Variants in HPRT1 observed in about 807,000 individuals in gnomAD.
HPRT1 encodes the protein hypoxanthine phosphoribosyltransferase 1, also known as hypoxanthine-guanine phosphoribosyltransferase.
A neutral mutation model predicts 19.0 loss-of-function variants in HPRT1; 4 were observed. The observed-to-expected ratio is 0.21, with a 90% CI of 0.10 to 0.48. The LOEUF (loss-of-function observed/expected upper bound fraction) is 0.48. Among genes scored for constraint, HPRT1 ranks in the 20% least tolerant of loss-of-function variants. The probability of loss-of-function intolerance (pLI) is 0.98; values close to 1 mark genes in which losing one functional copy is unlikely to be tolerated. For synonymous variants in HPRT1, 53 were observed against 54.9 expected (o/e 0.97, Z 0.15); for missense variants, 65 against 164.0 (o/e 0.40, Z 3.30).
At chrX:134,472,603 G>T (rs1174529758) in intron 1 of HPRT1, among the ~76,000 whole-genome samples, 1 of 111,517 alleles carries the variant, frequency 9.0e-6, no homozygotes, top group Non-Finnish European at 1.9e-5. Context: ...TCTCGCTCTT[G>T]TCCCCCAGGC....
intron 1 of HPRT1, among the ~76,000 whole-genome samples, chrX:134,464,907 T>G (rs2077593054): frequency 9.1e-6 from 1 of 109,782 alleles, no homozygotes; most frequent in African/African-American, 3.3e-5. Flanking sequence ...TAAGTCTTGT[T>G]TGGACCCACG....
At chrX:134,499,579 C>T (rs928064476) in intron 8 of HPRT1, among the ~76,000 whole-genome samples, 9 of 110,794 alleles carry the variant, frequency 8.1e-5, no homozygotes, top group East Asian at 2.8e-4. Flanking sequence ...CTGAGGCGGG[C>T]GGATCACAAG....
chrX:134,479,527 C>G (rs929431357), intron 3 of HPRT1, among the ~76,000 whole-genome samples: 3 of 112,136 alleles, frequency 2.7e-5, no homozygotes, highest in African/African-American at 9.7e-5. Flanking sequence ...GCCTCGGACT[C>G]CCAAAATGCT....
At chrX:134,483,708 CG>C (rs2061586291) in intron 3 of HPRT1, among the ~76,000 whole-genome samples, 1 of 111,565 alleles carries the variant, frequency 9.0e-6, no homozygotes, top group African/African-American at 3.3e-5. Flanking sequence ...GAGGGAGGTT[CG>C]CGCAGTTCCT....
chrX:134,472,171 G>C (rs1246866890), intron 1 of HPRT1, among the ~76,000 whole-genome samples: 1 of 109,934 alleles, frequency 9.1e-6, no homozygotes, highest in Non-Finnish European at 1.9e-5. Flanking sequence ...ACGGGGTCTT[G>C]CTACATTCCC....
intron 3 of HPRT1, among the ~76,000 whole-genome samples, chrX:134,476,353 C>T (rs2124292129): frequency 8.9e-6 from 1 of 112,210 alleles, no homozygotes; most frequent in Non-Finnish European, 1.9e-5. Flanking sequence ...CCCTTTATGC[C>T]CATACATCAT....
chrX:134,471,501 T>A (rs2077610381), intron 1 of HPRT1, among the ~76,000 whole-genome samples: 1 of 111,946 alleles, frequency 8.9e-6, no homozygotes, highest in Non-Finnish European at 1.9e-5. Context: ...ATGAGTTGAC[T>A]ATAATAATCT....
chrX:134,467,332 A>G (rs2077599628), intron 1 of HPRT1, among the ~76,000 whole-genome samples: 2 of 112,401 alleles, frequency 1.8e-5, no homozygotes, highest in Admixed American at 1.9e-4. Context: ...ATTTACAGGC[A>G]TGAGCCACCA....
intron 2 of HPRT1, among the ~76,000 whole-genome samples, chrX:134,474,359 A>C (rs1162590541): frequency 9.0e-6 from 1 of 110,520 alleles, no homozygotes; most frequent in East Asian, 2.8e-4. Flanking sequence ...TCCTCTAAGA[A>C]GTTGAATCAT....
At chrX:134,487,210 C>G (rs1314242916) in intron 4 of HPRT1, among the ~76,000 whole-genome samples, 1 of 111,620 alleles carries the variant, frequency 9.0e-6, no homozygotes, top group Non-Finnish European at 1.9e-5. Context: ...TATTGTGCTT[C>G]CATGTAGTTT....
chrX:134,460,534 GGGTGGGTCC>G (rs1311992375), intron 1 of HPRT1, 196 bp downstream of exon 1: 4 of 265,599 alleles, frequency 1.5e-5, no homozygotes, highest in Non-Finnish European at 1.9e-5. Flanking sequence ...GCGGGGTTTG[GGGTGGGTCC>G]CTCCTCGGGG....
intron 1 of HPRT1, among the ~76,000 whole-genome samples, chrX:134,464,870 A>G (rs891808034): frequency 3.6e-5 from 4 of 110,120 alleles, no homozygotes; most frequent in South Asian, 3.9e-4. Context: ...CCTGGCCCAC[A>G]TAGCTCATTT....
At chrX:134,471,163 A>G (rs1035359726) in intron 1 of HPRT1, among the ~76,000 whole-genome samples, 1 of 111,286 alleles carries the variant, frequency 9.0e-6, no homozygotes, top group Non-Finnish European at 1.9e-5. Context: ...TGCCAAAGAT[A>G]ATTTATAAGA....
intron 3 of HPRT1, among the ~76,000 whole-genome samples, chrX:134,475,726 G>A (rs774249651): frequency 9.0e-6 from 1 of 111,687 alleles, no homozygotes; most frequent in South Asian, 3.8e-4. Flanking sequence ...AATAAGGTGG[G>A]TTAACACTTG....
intron 1 of HPRT1, among the ~76,000 whole-genome samples, chrX:134,461,151 G>A (rs1275918629): frequency 9.0e-6 from 1 of 111,578 alleles, no homozygotes; most frequent in African/African-American, 3.3e-5. Flanking sequence ...CAACCGTTCT[G>A]ATCATGCTTG....
chrX:134,481,097 A>T (rs748863705), intron 3 of HPRT1, among the ~76,000 whole-genome samples: 3 of 105,525 alleles, frequency 2.8e-5, no homozygotes, highest in Admixed American at 1.0e-4. Flanking sequence ...ATAGTTACCC[A>T]TTTTTTTTTT....
chrX:134,481,071 G>A (rs1483645200), intron 3 of HPRT1, among the ~76,000 whole-genome samples: 3 of 109,594 alleles, frequency 2.7e-5, no homozygotes, highest in South Asian at 4.0e-4. Flanking sequence ...GCAAATTAAC[G>A]TATCCCTCAA....
chrX:134,475,066 C>A (rs1363534555), intron 2 of HPRT1, 115 bp from the exon 3 acceptor site: 1 of 540,755 alleles, frequency 1.8e-6, no homozygotes, highest in Non-Finnish European at 3.1e-6. Context: ...TTTTTGCAGG[C>A]ATGGGGTCTC....
intron 1 of HPRT1, among the ~76,000 whole-genome samples, chrX:134,473,023 G>C (rs766258075): frequency 1.8e-5 from 2 of 111,018 alleles, no homozygotes; most frequent in South Asian, 7.6e-4. Flanking sequence ...AAGTAGCTGG[G>C]ACTACAGGCA....
Sources: allele counts gnomAD v4.1 joint callset (sites outside exome capture counted in the v4.1 genomes callset), GRCh38; gene constraint gnomAD v4.1.1; transcripts MANE v1.5; gene names NCBI Gene and HGNC (gene_info 2026-07-23, HGNC 2026-07-21).